NEGR1: variants seen among roughly 807,000 people sequenced by gnomAD.
NEGR1 encodes IgLON family member 4.
NEGR1 carries 10 observed loss-of-function variants against 40.9 expected under a neutral mutation model. That is an observed-to-expected ratio of 0.24 (90% CI 0.15 to 0.42). The LOEUF (loss-of-function observed/expected upper bound fraction) is 0.42, where lower values mean the gene tolerates loss of function less well. Ranked by LOEUF, NEGR1 falls within the 10% of genes least tolerant of loss-of-function variation. NEGR1 has a pLI of 1.00. For missense variants in NEGR1, 352 were observed against 438.9 expected (o/e 0.80, Z 1.77); for synonymous variants, 185 against 166.8 (o/e 1.11, Z -0.84).
At chr1:71,467,110 G>T (rs1355640894) in intron 6 of NEGR1, among the ~76,000 whole-genome samples, 1 of 152,026 alleles carries the variant, frequency 6.6e-6, no homozygotes, top group African/African-American at 2.4e-5. Flanking sequence ...AAAGTTAAAT[G>T]AATGAAAAAT....
At chr1:72,023,857 A>G (rs1424026960) in intron 1 of NEGR1, among the ~76,000 whole-genome samples, 1 of 152,062 alleles carries the variant, frequency 6.6e-6, no homozygotes, top group African/African-American at 2.4e-5. Flanking sequence ...TCTCCTATCA[A>G]ATTATGCTAT....
chr1:71,747,413 A>G (rs572038376), intron 3 of NEGR1, among the ~76,000 whole-genome samples: 1 of 151,962 alleles, frequency 6.6e-6, no homozygotes, highest in Non-Finnish European at 1.5e-5. Flanking sequence ...CCATGTGGTG[A>G]AAACTTCTTA....
chr1:72,216,402 CATATATATAT>C (rs56767155), intron 1 of NEGR1, among the ~76,000 whole-genome samples: 15 of 119,552 alleles, frequency 1.3e-4, no homozygotes, highest in African/African-American at 4.5e-4. Flanking sequence ...TATATATATA[CATATATATAT>C]ATATGTATAT....
chr1:72,196,070 C>T (rs1652989622), intron 1 of NEGR1, among the ~76,000 whole-genome samples: 1 of 151,876 alleles, frequency 6.6e-6, no homozygotes, highest in African/African-American at 2.4e-5. Context: ...TGTTTTATGA[C>T]AATGAAAGGA....
At chr1:71,449,767 C>T (rs1362756359) in intron 6 of NEGR1, among the ~76,000 whole-genome samples, 5 of 151,916 alleles carry the variant, frequency 3.3e-5, no homozygotes, top group African/African-American at 9.7e-5. Context: ...TTGATATGCT[C>T]GAGGTTACAT....
In NEGR1 at chr1:71,688,367, G is replaced by GATATATATATGTAAA. The variant is rs1491505759; in HGVS notation, c.667+9640_667+9641insTTTACATATATATAT. On this transcript the variant is annotated intron_variant, in intron 4 of 6. Coordinates refer to ENST00000357731, the MANE Select transcript of NEGR1 (RefSeq NM_173808.3). The stretch of plus-strand genomic sequence containing the variant: ...ATAGATAGATAGATTATATATATAT[G>GATATATATATGTAAA]AGATATATACATAAAAGATATATAA... 3.2e-4 allele frequency among the ~76,000 whole-genome samples: 9 copies of GATATATATATGTAAA among 28,184 alleles called. 1 individual carries two copies. Among genetic ancestry groups the GATATATATATGTAAA allele is most frequent in the African/African-American group, 1.0e-3 (9 of 8,772 alleles). 18.5% of individuals were successfully genotyped at this position (28,184 alleles called of 152,430 possible). A position where few individuals can be genotyped will look rare whatever the true frequency, so the allele number is the denominator to read the frequency against.
chr1:72,120,588 C>A (rs531005973), intron 1 of NEGR1, among the ~76,000 whole-genome samples: 1 of 151,708 alleles, frequency 6.6e-6, no homozygotes, highest in Non-Finnish European at 1.5e-5. Flanking sequence ...TATACATGTG[C>A]CATGCTGGTG....
intron 2 of NEGR1, among the ~76,000 whole-genome samples, chr1:71,923,978 C>A (rs536364897): frequency 6.6e-6 from 1 of 151,856 alleles, no homozygotes; most frequent in East Asian, 1.9e-4. Flanking sequence ...GCACGATCAC[C>A]ACTCACTGTA....
intron 4 of NEGR1, among the ~76,000 whole-genome samples, chr1:71,626,005 T>C (rs1161866450): frequency 6.6e-6 from 1 of 152,008 alleles, no homozygotes; most frequent in East Asian, 1.9e-4. Context: ...TTGTGAACTG[T>C]ACATGTGAGG....
intron 1 of NEGR1, among the ~76,000 whole-genome samples, chr1:72,137,590 G>C: frequency 6.6e-6 from 1 of 151,366 alleles, no homozygotes; most frequent in Non-Finnish European, 1.5e-5. Flanking sequence ...GACTGGGGGT[G>C]GGGGCTGGGG....
chr1:71,639,690 C>A (rs1171350535), intron 4 of NEGR1, among the ~76,000 whole-genome samples: 1 of 151,988 alleles, frequency 6.6e-6, no homozygotes, highest in African/African-American at 2.4e-5. Flanking sequence ...TGTTTGGGCC[C>A]CAGGCATTTG....
chr1:72,046,992 G>A (rs542547728), intron 1 of NEGR1, among the ~76,000 whole-genome samples: 13 of 151,576 alleles, frequency 8.6e-5, no homozygotes, highest in African/African-American at 2.4e-4. Context: ...TTTCAAATAC[G>A]CAGAATGGTA....
At chr1:71,467,943 T>G (rs949272689) in intron 6 of NEGR1, among the ~76,000 whole-genome samples, 2 of 151,996 alleles carry the variant, frequency 1.3e-5, no homozygotes, top group Non-Finnish European at 2.9e-5. Flanking sequence ...AATCCTGTGC[T>G]TTTCAGCATG....
At chr1:71,454,455 T>C (rs896695994) in intron 6 of NEGR1, among the ~76,000 whole-genome samples, 1 of 152,088 alleles carries the variant, frequency 6.6e-6, no homozygotes, top group Non-Finnish European at 1.5e-5. Flanking sequence ...TTTTTTTTCA[T>C]CTTCTGACAT....
At chr1:71,899,504 T>C (rs1405565683) in intron 2 of NEGR1, among the ~76,000 whole-genome samples, 1 of 152,118 alleles carries the variant, frequency 6.6e-6, no homozygotes, top group Non-Finnish European at 1.5e-5. Context: ...AGGAAGAAAC[T>C]GTTAAAAGCA....
At chr1:71,491,778 TG>T (rs909872135) in intron 6 of NEGR1, among the ~76,000 whole-genome samples, 1 of 152,046 alleles carries the variant, frequency 6.6e-6, no homozygotes, top group African/African-American at 2.4e-5. Flanking sequence ...ACACACCAAA[TG>T]TATAAAACAG....
At chr1:72,036,529 G>A (rs182605387) in intron 1 of NEGR1, among the ~76,000 whole-genome samples, 3 of 151,688 alleles carry the variant, frequency 2.0e-5, no homozygotes, top group East Asian at 3.9e-4. Context: ...GGTGGTGCGC[G>A]CCTGTAATCC....
rs567381844 is a variant in NEGR1, at chr1:71,622,212, T to C, written c.668-11066A>G. On this transcript the variant is annotated intron_variant, in intron 4 of 6. Transcript: ENST00000357731. Reference sequence around the variant, plus strand: ...GCCGAACTTTCTTTCTTTCAACTTGTTCATGATCTGATCTCTTCTCTGTTG... The same window carrying C: ...GCCGAACTTTCTTTCTTTCAACTTGCTCATGATCTGATCTCTTCTCTGTTG... Among the ~76,000 whole-genome samples, 8 of 152,028 alleles carry C rather than the reference T, an allele frequency of 5.3e-5. No individual in the cohort carries two copies. In the East Asian group the frequency reaches 1.5e-3, roughly 29 times the overall value.
chr1:71,935,341 A>C (rs1285251927), intron 1 of NEGR1, 30 bp from the exon 2 acceptor site: 1 of 1,413,752 alleles, frequency 7.1e-7, no homozygotes. Context: ...CAACACTATT[A>C]ATCAAAATAA....
Sources: gnomAD v4.1 joint callset for allele counts (sites outside exome capture counted in the v4.1 genomes callset) on GRCh38, gnomAD v4.1.1 for gene constraint, MANE v1.5 for transcripts, NCBI Gene and HGNC (gene_info 2026-07-23, HGNC 2026-07-21) for gene names.